The following SEMA5A variants were observed in gnomAD, a reference collection of about 807,000 sequenced individuals.
SEMA5A encodes semaphorin-5A.
A neutral mutation model predicts 135.5 loss-of-function variants in SEMA5A; 55 were observed. The observed-to-expected ratio is 0.41, with a 90% confidence interval of 0.33 to 0.51. SEMA5A has a LOEUF of 0.51. Ranked by LOEUF, SEMA5A falls within the 20% of genes least tolerant of loss-of-function variation. The pLI is 0.37. For synonymous variants in SEMA5A, 580 were observed against 546.5 expected, an observed-to-expected ratio of 1.06 and a Z score of -0.85; for missense variants, 1,290 against 1,419.9, an observed-to-expected ratio of 0.91 and a Z score of 1.47.
intron 12 of SEMA5A, among the ~76,000 whole-genome samples, chr5:9,145,225 C>G (rs1298963500): frequency 6.6e-6 from 1 of 152,110 alleles, no homozygotes; most frequent in Non-Finnish European, 1.5e-5. Flanking sequence ...TATCTTGTGT[C>G]AAATTCTTAT....
intron 11 of SEMA5A, among the ~76,000 whole-genome samples, chr5:9,185,577 G>T (rs1363089831): frequency 6.6e-6 from 1 of 152,042 alleles, no homozygotes; most frequent in East Asian, 1.9e-4. Flanking sequence ...CACAAAAAGA[G>T]ATCACATTCC....
chr5:9,043,013 A>T lies in SEMA5A; in HGVS notation c.3109T>A (p.Phe1037Ile). ...TCTAGGATCAAGTTGTTTTTGTTAA[A>T]TGCCTGGAAAATATATTAAAAAAAA... ...KYDSVEAIKA[F>I]NKNNLILEER... Residue 1037 changes from phenylalanine (F) to isoleucine (I), a missense_variant, in exon 23 of 23, where the codon TTT becomes ATT. Phe to Ile is a conservative substitution (Grantham distance 21). Around this residue, in one of 3 missense-constraint regions of SEMA5A, gnomAD observed 1,029 missense variants for 1,086.6 expected, o/e 0.95. Transcript: ENST00000382496. 5.1e-6 allele frequency: 8 copies of T among 1,571,846 alleles called. No individual in the cohort carries two copies. The highest frequency in any genetic ancestry group is 6.9e-6 in the Non-Finnish European group (8 of 1,166,070).
chr5:9,222,955 G>A (rs1747086977), intron 8 of SEMA5A, among the ~76,000 whole-genome samples: 1 of 152,172 alleles, frequency 6.6e-6, no homozygotes, highest in Non-Finnish European at 1.5e-5. Flanking sequence ...TTTGCTTCTG[G>A]CAAATGCTAA....
At chr5:9,223,765 G>A (rs892269358) in intron 8 of SEMA5A, among the ~76,000 whole-genome samples, 1 of 152,166 alleles carries the variant, frequency 6.6e-6, no homozygotes, top group Non-Finnish European at 1.5e-5. Context: ...GTATGTGCGT[G>A]TGTGTGTGAG....
intron 12 of SEMA5A, among the ~76,000 whole-genome samples, chr5:9,150,747 C>T (rs897258865): frequency 2.6e-5 from 4 of 152,192 alleles, no homozygotes; most frequent in Non-Finnish European, 4.4e-5. Flanking sequence ...GAGTATAAAA[C>T]CTCCTTCATG....
chr5:9,112,420 C>T (rs971984789), intron 15 of SEMA5A, among the ~76,000 whole-genome samples: 5 of 152,200 alleles, frequency 3.3e-5, no homozygotes, highest in Admixed American at 6.5e-5. Context: ...TAACCTGAAC[C>T]AATCAGGGCC....
chr5:9,197,112 C>T (rs1462648441), intron 10 of SEMA5A, 56 bp downstream of exon 10: 1 of 1,608,722 alleles, frequency 6.2e-7, no homozygotes, highest in Admixed American at 1.7e-5. Context: ...CTACACAAGG[C>T]TTCTGCATTC....
chr5:9,283,067 T>C (rs1447091072), intron 5 of SEMA5A, among the ~76,000 whole-genome samples: 1 of 152,228 alleles, frequency 6.6e-6, no homozygotes, highest in African/African-American at 2.4e-5. Context: ...ATAATCAATG[T>C]GCATTGTTTT....
At position 9,221,351 on chromosome 5, in the gene SEMA5A, G is replaced by A. The variant is rs540502542; in HGVS notation, c.646+3323C>T. Among the ~76,000 whole-genome samples the A allele has an allele frequency of 4.3e-3, 614 of 142,736 alleles. 5 individuals carry two copies. The highest frequency in any genetic ancestry group is 6.7e-3 in the Non-Finnish European group (444 of 66,238). 93.6% of individuals were successfully genotyped at this position (142,736 alleles called of 152,430 possible). A position where few individuals can be genotyped will look rare whatever the true frequency, so the allele number is the denominator to read the frequency against. On this transcript the variant is annotated intron_variant, in intron 8 of 22. Coordinates refer to ENST00000382496, the MANE Select transcript of SEMA5A (RefSeq NM_003966.3). Reference sequence around the variant, plus strand: ...GGAGTCTCGCTGTGTCACCCAGGCTGGAGTGCAGTGGCGCGATCTCGGCTT... The same window carrying A: ...GGAGTCTCGCTGTGTCACCCAGGCTAGAGTGCAGTGGCGCGATCTCGGCTT...
At position 9,341,281 on chromosome 5, in the gene SEMA5A, G is replaced by A. The variant is rs184079620; in HGVS notation, c.125-3469C>T. 2.6e-3 allele frequency among the ~76,000 whole-genome samples: 399 copies of A among 152,020 alleles called. 1 individual carries two copies. Among genetic ancestry groups the A allele is most frequent in the Middle Eastern group, 6.8e-3 (2 of 292 alleles). ...AGCCCAGAAACGCAAGGATGGCTCA[G>A]CAAGCTTAGTAACAGAAAACCTATT... is the stretch of plus-strand genomic sequence containing the variant. On this transcript the variant is annotated intron_variant, in intron 3 of 22. Coordinates refer to ENST00000382496, the MANE Select transcript of SEMA5A (RefSeq NM_003966.3).
intron 1 of SEMA5A, among the ~76,000 whole-genome samples, chr5:9,489,071 G>C (rs1163030774): frequency 6.6e-6 from 1 of 152,044 alleles, no homozygotes. Context: ...TCTTGGGCAG[G>C]GCTCATGTAC....
In SEMA5A at chr5:9,409,768, G is replaced by A. The variant is rs542990970; in HGVS notation, c.-78+27988C>T. ...CTCGTCAGACACGAGGCATTAGATCGGGGGGCTGTGTTGTCCGCGGGGTGC... is the reference window on the plus strand; with the variant it reads ...CTCGTCAGACACGAGGCATTAGATCAGGGGGCTGTGTTGTCCGCGGGGTGC... On this transcript the variant is annotated intron_variant, in intron 2 of 22. Coordinates refer to ENST00000382496, the MANE Select transcript of SEMA5A (RefSeq NM_003966.3). Among the ~76,000 whole-genome samples the A allele has an allele frequency of 1.9e-4, 29 of 152,268 alleles. No individual in the cohort carries two copies. The South Asian group carries it at 4.8e-3, about 25-fold the overall frequency.
intron 15 of SEMA5A, among the ~76,000 whole-genome samples, chr5:9,112,708 C>T (rs1740305111): frequency 6.6e-6 from 1 of 152,210 alleles, no homozygotes; most frequent in African/African-American, 2.4e-5. Flanking sequence ...CAGGCTCTAA[C>T]ATGTTCCCCG....
chr5:9,489,233 A>G (rs557080575), intron 1 of SEMA5A, among the ~76,000 whole-genome samples: 6 of 128,762 alleles, frequency 4.7e-5, no homozygotes, highest in African/African-American at 1.8e-4. Flanking sequence ...AAAATTGCTC[A>G]ACAAAGAACC....
chr5:9,543,510 G>C (rs76456360), intron 1 of SEMA5A, among the ~76,000 whole-genome samples: 2,181 of 152,290 alleles, frequency 0.014, 31 homozygotes, highest in South Asian at 0.03. Flanking sequence ...GGAGGCCAAA[G>C]CTTTACTCGC....
In SEMA5A at chr5:9,197,180, G is replaced by T. The variant is rs1278919815; in HGVS notation, c.1056C>A (p.Asn352Lys). The change falls in exon 10 of 23, where the codon AAC becomes AAA. Residue 352 changes from asparagine (N) to lysine (K), a missense_variant. By Grantham distance (94) the Asn-to-Lys change is moderately conservative. Around this residue, in one of 3 missense-constraint regions of SEMA5A, gnomAD observed 1,029 missense variants for 1,086.6 expected, o/e 0.95. Coordinates refer to ENST00000382496, the MANE Select transcript of SEMA5A (RefSeq NM_003966.3). Reference sequence around the variant, plus strand: ...CCCCGAAAATTACCTGGAAGTGGGGGTTTGGGTTGGGATACGGTAGCCAGG... The same window carrying T: ...CCCCGAAAATTACCTGGAAGTGGGGTTTTGGGTTGGGATACGGTAGCCAGG... ...RSAWLPYPNP[N>K]PHFQCGTVDQ... The T allele has an allele frequency of 4.3e-6, 7 of 1,614,102 alleles. No homozygotes were observed. In the Admixed American group the frequency reaches 1.0e-4, roughly 23 times the overall value.
At chr5:9,430,957 A>T (rs1052052323) in intron 2 of SEMA5A, among the ~76,000 whole-genome samples, 3 of 152,178 alleles carry the variant, frequency 2.0e-5, no homozygotes, top group African/African-American at 4.8e-5. Flanking sequence ...TATTGGAAAA[A>T]AAAATAAACA....
rs956147407 is a variant in SEMA5A, at chr5:9,545,617, C to A, written c.-208G>T. The A allele has an allele frequency of 6.6e-6, 1 of 152,250 alleles. No homozygotes were observed. Among genetic ancestry groups the A allele is most frequent in the Non-Finnish European group, 1.5e-5 (1 of 68,114 alleles). The allele number at this position is 152,250 out of a possible 1,614,324, so 9.4% of individuals were successfully genotyped here. A position where few individuals can be genotyped will look rare whatever the true frequency, so the allele number is the denominator to read the frequency against. The stretch of plus-strand genomic sequence containing the variant: ...AGGAGCGCTGGTGCCAGTCATCCAG[C>A]GCCTGGGGGCCAGAGCGGCTCCGAG... On this transcript the variant is annotated 5_prime_UTR_variant, in exon 1 of 23. Coordinates refer to ENST00000382496, the MANE Select transcript of SEMA5A (RefSeq NM_003966.3). This position sits in a 1 kb window ranked among gnomAD's most constrained non-coding sequence, Gnocchi z 4.5.
At chr5:9,057,998 G>C (rs1579316816) in intron 18 of SEMA5A, among the ~76,000 whole-genome samples, 2 of 152,188 alleles carry the variant, frequency 1.3e-5, no homozygotes, top group Admixed American at 1.3e-4. Flanking sequence ...CATCACAAGG[G>C]AGCCTGTACA....
Sources: allele counts gnomAD v4.1 joint callset (sites outside exome capture counted in the v4.1 genomes callset), GRCh38; gene constraint gnomAD v4.1.1; regional missense constraint gnomAD v4.1.1; non-coding constraint Gnocchi (gnomAD v3.1); transcripts MANE v1.5; gene names NCBI Gene and HGNC (gene_info 2026-07-23, HGNC 2026-07-21).